CDH12: variants seen among roughly 807,000 people sequenced by gnomAD.
The protein encoded by CDH12 is cadherin-12.
CDH12 carries 41 observed loss-of-function variants against 74.1 expected under a neutral mutation model. The ratio of observed to expected loss-of-function variants is 0.55; its 90% CI spans 0.43 to 0.72. The LOEUF is 0.72. Ranked by LOEUF, CDH12 falls within the 30% of genes least tolerant of loss-of-function variation. The probability of loss-of-function intolerance (pLI) is 0.00; values close to 1 mark genes in which losing one functional copy is unlikely to be tolerated. For missense variants in CDH12, 945 were observed against 977.2 expected (o/e 0.97, Z 0.44); for synonymous variants, 399 against 355.0 (o/e 1.12, Z -1.39).
rs183954121 is a variant in CDH12, at chr5:21,751,059, G to T, written c.*678C>A. 3.3e-5 allele frequency: 5 copies of T among 151,040 alleles called. No individual in the cohort carries two copies. The East Asian group carries it at 9.7e-4, about 29-fold the overall frequency. The allele number at this position is 151,040 out of a possible 1,614,324, so 9.4% of individuals were successfully genotyped here. A position where few individuals can be genotyped will look rare whatever the true frequency, so the allele number is the denominator to read the frequency against. On this transcript the variant is annotated 3_prime_UTR_variant, in exon 15 of 15. Coordinates refer to ENST00000382254, the MANE Select transcript of CDH12 (RefSeq NM_004061.5). ...TTCTAGAATTTGGGACTTACATATT[G>T]AACTTGATATTTTCATATTTATTTC... is the stretch of plus-strand genomic sequence containing the variant.
chr5:22,006,206 T>C lies in CDH12; in HGVS notation c.232-30821A>G, dbSNP rs1465180262. 5.9e-5 allele frequency among the ~76,000 whole-genome samples: 9 copies of C among 152,058 alleles called. No individual in the cohort carries two copies. The East Asian group carries it at 1.7e-3, about 30-fold the overall frequency. ...CTTTTAATTTTTTTTTTAATATAGA[T>C]GGGGGTCTCACTATATTGACCAAGG... On this transcript the variant is annotated intron_variant, in intron 5 of 14. Coordinates refer to ENST00000382254, the MANE Select transcript of CDH12 (RefSeq NM_004061.5).
intron 1 of CDH12, among the ~76,000 whole-genome samples, chr5:22,685,545 T>C (rs907768894): frequency 2.0e-5 from 3 of 152,180 alleles, no homozygotes; most frequent in African/African-American, 7.2e-5. Context: ...GCCATATCCA[T>C]ACTCTTAATC....
chr5:22,093,372 G>A (rs1052710233), intron 4 of CDH12, among the ~76,000 whole-genome samples: 2 of 151,974 alleles, frequency 1.3e-5, no homozygotes, highest in Admixed American at 1.3e-4. Flanking sequence ...TAAACTAAGG[G>A]TACATATAAA....
intron 4 of CDH12, among the ~76,000 whole-genome samples, chr5:22,191,554 CTTTTTATTTTTATTT>C (rs1162252214): frequency 6.2e-4 from 34 of 55,196 alleles, no homozygotes; most frequent in Non-Finnish European, 4.7e-4. Flanking sequence ...CACCAATGGT[CTTTTTATTTTTATTT>C]TTTTTTTTTT....
chr5:22,390,121 T>C (rs1742177287), intron 3 of CDH12, among the ~76,000 whole-genome samples: 1 of 152,060 alleles, frequency 6.6e-6, no homozygotes, highest in Non-Finnish European at 1.5e-5. Flanking sequence ...ATTTTCTACA[T>C]GTACCTGAAA....
At chr5:22,470,182 T>C (rs2551495) in intron 2 of CDH12, among the ~76,000 whole-genome samples, 65,273 of 151,658 alleles carry the variant, frequency 0.43, 14,522 homozygotes, top group Admixed American at 0.61. Context: ...ATAGGAATCT[T>C]GAGGGTAAAA....
intron 5 of CDH12, among the ~76,000 whole-genome samples, chr5:22,023,121 A>C (rs1738098336): frequency 6.6e-6 from 1 of 152,052 alleles, no homozygotes; most frequent in Non-Finnish European, 1.5e-5. Context: ...TCCACTCTTG[A>C]CTTCTGTGAT....
At chr5:22,054,241 TCTTAA>T (rs1163717876) in intron 5 of CDH12, among the ~76,000 whole-genome samples, 1 of 152,148 alleles carries the variant, frequency 6.6e-6, no homozygotes, top group African/African-American at 2.4e-5. Context: ...CATCACCTCC[TCTTAA>T]CTTCTTCACC....
intron 4 of CDH12, chr5:22,142,790 T>C (rs1746888983): frequency 4.0e-6 from 1 of 251,662 alleles, no homozygotes; most frequent in African/African-American, 2.4e-5. Flanking sequence ...TCTTCTTTTT[T>C]CTTAATAAAT....
intron 1 of CDH12, among the ~76,000 whole-genome samples, chr5:22,781,993 A>G (rs1580994802): frequency 6.6e-6 from 1 of 152,028 alleles, no homozygotes; most frequent in South Asian, 2.1e-4. Context: ...TGTTTGGCCA[A>G]TTTCTCCCAT....
intron 2 of CDH12, among the ~76,000 whole-genome samples, chr5:22,415,461 A>C (rs938481526): frequency 6.6e-6 from 1 of 152,240 alleles, no homozygotes; most frequent in African/African-American, 2.4e-5. Context: ...TTGTTCAATG[A>C]GATGTCAATG....
intron 4 of CDH12, among the ~76,000 whole-genome samples, chr5:22,091,053 C>T (rs530680737): frequency 9.9e-5 from 15 of 151,338 alleles, no homozygotes; most frequent in Non-Finnish European, 1.5e-4. Flanking sequence ...CGTGTCTTTA[C>T]GACATTCTAA....
chr5:22,566,488 C>T (rs367952516), intron 1 of CDH12, among the ~76,000 whole-genome samples: 1 of 152,020 alleles, frequency 6.6e-6, no homozygotes, highest in South Asian at 2.1e-4. Flanking sequence ...GATCCACCGC[C>T]TCAGCTCCCA....
At chr5:22,573,393 T>C (rs1280764656) in intron 1 of CDH12, among the ~76,000 whole-genome samples, 2 of 152,178 alleles carry the variant, frequency 1.3e-5, no homozygotes, top group East Asian at 3.9e-4. Context: ...TTCCCCAAAT[T>C]GAATAAATTA....
intron 6 of CDH12, among the ~76,000 whole-genome samples, chr5:21,942,094 G>A (rs1755356328): frequency 6.6e-6 from 1 of 152,024 alleles, no homozygotes; most frequent in Non-Finnish European, 1.5e-5. Context: ...AGATGCCTTC[G>A]AGTTAGGAAG....
At chr5:21,909,992 G>T (rs1238434330) in intron 6 of CDH12, among the ~76,000 whole-genome samples, 1 of 152,048 alleles carries the variant, frequency 6.6e-6, no homozygotes, top group Non-Finnish European at 1.5e-5. Flanking sequence ...CTTTGGTCAC[G>T]GAGAGAAAAT....
At chr5:22,762,761 A>AT (rs916042481) in intron 1 of CDH12, among the ~76,000 whole-genome samples, 1 of 152,038 alleles carries the variant, frequency 6.6e-6, no homozygotes, top group African/African-American at 2.4e-5. Context: ...TAAAGAGTTA[A>AT]TTTTTCTGAG....
At chr5:22,597,611 T>C (rs932226468) in intron 1 of CDH12, among the ~76,000 whole-genome samples, 6 of 152,206 alleles carry the variant, frequency 3.9e-5, no homozygotes, top group Admixed American at 2.0e-4. Context: ...CTAATCTGTT[T>C]GTTTCACTTA....
chr5:22,078,866 T>C lies in CDH12; in HGVS notation c.-186-4A>G. Reference sequence around the variant, plus strand: ...ATTATATTCCATCTAAAGGGGCCTATGAAATAGATGAACAAAGATACATTA... The same window carrying C: ...ATTATATTCCATCTAAAGGGGCCTACGAAATAGATGAACAAAGATACATTA... On this transcript the variant is annotated splice_polypyrimidine_tract_variant and splice_region_variant and intron_variant, in intron 4 of 14. Coordinates refer to ENST00000382254, the MANE Select transcript of CDH12 (RefSeq NM_004061.5). 7.5e-7 allele frequency: 1 copy of C among 1,326,738 alleles called. No individual in the cohort carries two copies. Among genetic ancestry groups the C allele is most frequent in the Non-Finnish European group, 9.7e-7 (1 of 1,034,924 alleles). The allele number at this position is 1,326,738 out of a possible 1,614,324, so 82.2% of individuals were successfully genotyped here. A position where few individuals can be genotyped will look rare whatever the true frequency, so the allele number is the denominator to read the frequency against.
Sources: allele counts gnomAD v4.1 joint callset (sites outside exome capture counted in the v4.1 genomes callset), GRCh38; gene constraint gnomAD v4.1.1; transcripts MANE v1.5; gene names NCBI Gene and HGNC (gene_info 2026-07-23, HGNC 2026-07-21).